Variants in DPY19L4 observed in about 807,000 individuals in gnomAD.
DPY19L4 encodes the protein probable C-mannosyltransferase DPY19L4.
DPY19L4 carries 97 observed loss-of-function variants against 102.8 expected under a neutral mutation model. The observed-to-expected ratio is 0.94, with a 90% CI of 0.80 to 1.12. The LOEUF (loss-of-function observed/expected upper bound fraction) is 1.12, where lower values mean the gene tolerates loss of function less well. Ranked by LOEUF, DPY19L4 falls within the 50% of genes most tolerant of loss-of-function variation. DPY19L4 has a pLI of 0.00. For synonymous variants in DPY19L4, 252 were observed against 283.1 expected (o/e 0.89, Z 1.10); for missense variants, 815 against 850.4 (o/e 0.96, Z 0.52).
intron 13 of DPY19L4, among the ~76,000 whole-genome samples, chr8:94,772,142 C>G (rs1209436595): frequency 3.9e-5 from 6 of 152,158 alleles, no homozygotes; most frequent in South Asian, 4.1e-4. Context: ...TGTTAATAAA[C>G]TTTATTAAAA....
intron 13 of DPY19L4, among the ~76,000 whole-genome samples, chr8:94,772,291 C>T (rs1812970774): frequency 6.6e-6 from 1 of 152,156 alleles, no homozygotes; most frequent in Non-Finnish European, 1.5e-5. Flanking sequence ...ATGCAATGGT[C>T]AGAAATTCCT....
At chr8:94,781,005 T>TA (rs1193750503) in intron 15 of DPY19L4, 79 bp from the exon 16 acceptor site, 3 of 1,205,212 alleles carry the variant, frequency 2.5e-6, no homozygotes, top group Non-Finnish European at 2.3e-6. Flanking sequence ...TCTTTTGAAA[T>TA]ACTGTGGAAC....
chr8:94,729,060 C>T (rs1049828839), intron 2 of DPY19L4, among the ~76,000 whole-genome samples: 4 of 151,132 alleles, frequency 2.6e-5, no homozygotes, highest in Admixed American at 2.6e-4. Flanking sequence ...TCTTTTTCAA[C>T]CAATGAAAGT....
chr8:94,787,395 G>A (rs758191598), intron 17 of DPY19L4, among the ~76,000 whole-genome samples: 1 of 152,092 alleles, frequency 6.6e-6, no homozygotes, highest in Non-Finnish European at 1.5e-5. Context: ...TTCCTAGCAT[G>A]TCAGTGGACG....
chr8:94,775,195 T>C (rs1044656060), intron 13 of DPY19L4, among the ~76,000 whole-genome samples: 1 of 152,056 alleles, frequency 6.6e-6, no homozygotes, highest in African/African-American at 2.4e-5. Flanking sequence ...TTTTTTTTTT[T>C]TGAGACAGGG....
chr8:94,734,138 C>A (rs192355162), intron 2 of DPY19L4, among the ~76,000 whole-genome samples: 205 of 149,554 alleles, frequency 1.4e-3, no homozygotes, highest in African/African-American at 4.9e-3. Flanking sequence ...CGGCTTACTG[C>A]AACCTCCACC....
chr8:94,745,291 G>C (rs1030567341), intron 6 of DPY19L4, among the ~76,000 whole-genome samples: 1 of 152,108 alleles, frequency 6.6e-6, no homozygotes, highest in Non-Finnish European at 1.5e-5. Flanking sequence ...CACCAAAATG[G>C]ACTGACAGAG....
intron 3 of DPY19L4, among the ~76,000 whole-genome samples, 164 bp downstream of exon 3, chr8:94,734,918 T>C (rs1043351150): frequency 6.6e-6 from 1 of 152,192 alleles, no homozygotes; most frequent in Non-Finnish European, 1.5e-5. Flanking sequence ...AAAATACTAA[T>C]AGTGTATTTC....
intron 2 of DPY19L4, among the ~76,000 whole-genome samples, chr8:94,726,734 C>T (rs975766901): frequency 6.6e-6 from 1 of 152,150 alleles, no homozygotes; most frequent in Non-Finnish European, 1.5e-5. Context: ...CAGAATCATG[C>T]AATGTCTCTT....
intron 3 of DPY19L4, among the ~76,000 whole-genome samples, chr8:94,735,347 C>A (rs1811146915): frequency 6.6e-6 from 1 of 152,002 alleles, no homozygotes; most frequent in Non-Finnish European, 1.5e-5. Flanking sequence ...TTTTGTTTTT[C>A]TTATTTTTTA....
At chr8:94,739,205 A>G (rs751012083) in intron 4 of DPY19L4, among the ~76,000 whole-genome samples, 3 of 151,998 alleles carry the variant, frequency 2.0e-5, no homozygotes, top group African/African-American at 2.4e-5. Context: ...CTATTCTGCT[A>G]TATTGGGACC....
intron 8 of DPY19L4, among the ~76,000 whole-genome samples, chr8:94,763,426 C>T (rs1212131608): frequency 2.0e-5 from 3 of 151,372 alleles, no homozygotes; most frequent in Admixed American, 6.6e-5. Context: ...CTGCAACCTC[C>T]GCCTCCCAGG....
chr8:94,788,641 A>ACG (rs10601540), intron 18 of DPY19L4, among the ~76,000 whole-genome samples: 1,455 of 115,548 alleles, frequency 0.013, 20 homozygotes, highest in African/African-American at 0.043. Context: ...AGACTGACGC[A>ACG]CGCGCGCGCG....
intron 17 of DPY19L4, among the ~76,000 whole-genome samples, chr8:94,785,873 C>T (rs182423864): frequency 6.6e-6 from 1 of 152,226 alleles, no homozygotes; most frequent in African/African-American, 2.4e-5. Flanking sequence ...ACTTTGTTTT[C>T]TTTGATTGGT....
chr8:94,773,493 G>A (rs1342019364), intron 13 of DPY19L4, among the ~76,000 whole-genome samples: 3 of 151,002 alleles, frequency 2.0e-5, no homozygotes, highest in South Asian at 2.1e-4. Context: ...GTGTAGTGGC[G>A]TGATCTTGGC....
Position 94,792,081 on chromosome 8 carries a change from C to G in DPY19L4, c.*2171C>G, listed in dbSNP as rs1323664256. 1 of 152,044 alleles carries G rather than the reference C, an allele frequency of 6.6e-6. No homozygotes were observed. Among genetic ancestry groups the G allele is most frequent in the African/African-American group, 2.4e-5 (1 of 41,384 alleles). The allele number at this position is 152,044 out of a possible 1,614,324, so 9.4% of individuals were successfully genotyped here. A position where few individuals can be genotyped will look rare whatever the true frequency, so the allele number is the denominator to read the frequency against. Reference sequence around the variant, plus strand: ...CAAGTAATTCCACTTAGGTAACTTACAGTTGTTAGGTTTGACAATAAAGAT... The same window carrying G: ...CAAGTAATTCCACTTAGGTAACTTAGAGTTGTTAGGTTTGACAATAAAGAT... On this transcript the variant is annotated 3_prime_UTR_variant, in exon 19 of 19. Transcript: ENST00000414645.
intron 6 of DPY19L4, among the ~76,000 whole-genome samples, chr8:94,741,614 T>C (rs1450589772): frequency 6.6e-6 from 1 of 152,210 alleles, no homozygotes; most frequent in African/African-American, 2.4e-5. Flanking sequence ...CATCTTTCTG[T>C]ACTTATGGAT....
chr8:94,764,689 G>GTGTGTGTATATATATA (rs1415377058), intron 8 of DPY19L4, among the ~76,000 whole-genome samples: 3 of 43,212 alleles, frequency 6.9e-5, no homozygotes, highest in African/African-American at 2.3e-4. Context: ...GTCTGTGTGT[G>GTGTGTGTATATATATA]TATATATATA....
chr8:94,749,717 C>G (rs981010036), intron 6 of DPY19L4, among the ~76,000 whole-genome samples: 2 of 152,106 alleles, frequency 1.3e-5, no homozygotes, highest in African/African-American at 4.8e-5. Context: ...GTTGGAGCAG[C>G]CTTGGAATAT....
Sources: gnomAD v4.1 joint callset for allele counts (sites outside exome capture counted in the v4.1 genomes callset) on GRCh38, gnomAD v4.1.1 for gene constraint, MANE v1.5 for transcripts, NCBI Gene and HGNC (gene_info 2026-07-23, HGNC 2026-07-21) for gene names.